The following PPP1R13B variants were observed in gnomAD, a reference collection of about 807,000 sequenced individuals.
PPP1R13B encodes the protein protein phosphatase 1 regulatory subunit 13B.
PPP1R13B carries 44 observed loss-of-function variants against 119.8 expected under a neutral mutation model. The observed-to-expected ratio is 0.37, with a 90% CI of 0.29 to 0.47. The LOEUF is 0.47. Among genes scored for constraint, PPP1R13B ranks in the 20% least tolerant of loss-of-function variants. The probability of loss-of-function intolerance (pLI) is 0.99; values close to 1 mark genes in which losing one functional copy is unlikely to be tolerated. For missense variants in PPP1R13B, 1,227 were observed against 1,413.5 expected (o/e 0.87, Z 2.12); for synonymous variants, 542 against 561.5 (o/e 0.97, Z 0.49).
At chr14:103,846,640 A>G (rs2087043174) in intron 1 of PPP1R13B, 1 of 429,116 alleles carries the variant, frequency 2.3e-6, no homozygotes, top group Admixed American at 2.6e-5. Flanking sequence ...GGTCGGTAGG[A>G]CGATGGCAAA....
At chr14:103,814,210 A>G (rs2086224662) in intron 1 of PPP1R13B, among the ~76,000 whole-genome samples, 1 of 152,102 alleles carries the variant, frequency 6.6e-6, no homozygotes, top group Admixed American at 6.6e-5. Context: ...TTAGCCGGGC[A>G]TGGTGGCACA....
rs551769356 is a variant in PPP1R13B at position 103,785,229 on chromosome 14, GTTT to G, written c.158-318_158-316del. Among the ~76,000 whole-genome samples the G allele has an allele frequency of 1.3e-4, 15 of 119,764 alleles. 1 individual carries two copies. In the South Asian group the frequency reaches 3.1e-3, roughly 24 times the overall value. The allele number at this position is 119,764 out of a possible 152,430, so 78.6% of individuals were successfully genotyped here. ...CACTGTGTCTCCCATTCATTTGTTTGTTTGGTTGAGATGGGGTTTTGCTCTTGT... is the reference window on the plus strand; with the variant it reads ...CACTGTGTCTCCCATTCATTTGTTTGGGTTGAGATGGGGTTTTGCTCTTGT... On this transcript the variant is annotated intron_variant, in intron 2 of 16. Coordinates refer to ENST00000202556, the MANE Select transcript of PPP1R13B (RefSeq NM_015316.3).
intron 1 of PPP1R13B, among the ~76,000 whole-genome samples, chr14:103,804,615 G>C (rs2085974813): frequency 6.6e-6 from 1 of 151,946 alleles, no homozygotes; most frequent in South Asian, 2.1e-4. Context: ...TGTGTCTGTA[G>C]TCCCACCTAC....
At chr14:103,767,388 G>A (rs12878868) in intron 4 of PPP1R13B, among the ~76,000 whole-genome samples, 67,236 of 151,486 alleles carry the variant, frequency 0.44, 15,334 homozygotes, top group African/African-American at 0.55. Flanking sequence ...TTTTCTGCTT[G>A]TATCACCATA....
rs182697405 is a variant in PPP1R13B at position 103,736,306 on chromosome 14, C to T, written c.3032-104G>A. On this transcript the variant is annotated intron_variant, in intron 15 of 16. Transcript: ENST00000202556. ...GTCGTGCTGCTGCCGAGGCTGCTCT[C>T]AGCAGGCCCCACAGAGGCCAGCGAG... The T allele has an allele frequency of 5.3e-3, 6,679 of 1,252,286 alleles. 28 individuals carry two copies. Among genetic ancestry groups the T allele is most frequent in the Non-Finnish European group, 6.6e-3 (5,809 of 878,940 alleles). The allele number at this position is 1,252,286 out of a possible 1,614,324, so 77.6% of individuals were successfully genotyped here. A position where few individuals can be genotyped will look rare whatever the true frequency, so the allele number is the denominator to read the frequency against.
At chr14:103,842,819 A>G (rs557475233) in intron 1 of PPP1R13B, among the ~76,000 whole-genome samples, 2 of 151,602 alleles carry the variant, frequency 1.3e-5, no homozygotes, top group East Asian at 4.0e-4. Flanking sequence ...TCTACTAAAC[A>G]TGCTAAAATT....
At chr14:103,787,985 C>T (rs2152029568) in intron 2 of PPP1R13B, among the ~76,000 whole-genome samples, 1 of 151,974 alleles carries the variant, frequency 6.6e-6, no homozygotes, top group African/African-American at 2.4e-5. Context: ...TGGTGGCACA[C>T]ATCCATAGTC....
chr14:103,847,756 CCGCGCTCCCGGCGGCGGGGGAGGGGCGGA>C (rs1464655711), upstream of PPP1R13B: 3 of 489,098 alleles, frequency 6.1e-6, no homozygotes, highest in Non-Finnish European at 8.0e-6. Flanking sequence ...GCGTGCGCGT[CCGCGCTCCCGGCGGCGGGGGAGGGGCGGA>C]CGCGCAGTGG....
intron 1 of PPP1R13B, among the ~76,000 whole-genome samples, chr14:103,828,217 A>C (rs1226256011): frequency 6.6e-6 from 1 of 151,962 alleles, no homozygotes; most frequent in Non-Finnish European, 1.5e-5. Flanking sequence ...AAATACAAAA[A>C]AATTAGCCAG....
intron 2 of PPP1R13B, among the ~76,000 whole-genome samples, chr14:103,794,061 A>AAG (rs1237864702): frequency 2.6e-5 from 4 of 152,226 alleles, no homozygotes; most frequent in African/African-American, 9.6e-5. Context: ...CTACAAGTCA[A>AAG]AGAGAGAGAG....
chr14:103,841,728 C>G (rs2086914138), intron 1 of PPP1R13B, among the ~76,000 whole-genome samples: 1 of 152,206 alleles, frequency 6.6e-6, no homozygotes, highest in Non-Finnish European at 1.5e-5. Flanking sequence ...ATTTACTGAG[C>G]TCTTACTATC....
chr14:103,742,718 A>G lies in PPP1R13B; in HGVS notation c.1256T>C (p.Val419Ala). ...DWKDPSVEGS[V>A]KQGTVSSQPV... is the part of the protein sequence containing the mutation. ...CTGGCTGGAGACAGTGCCCTGCTTG[A>G]CAGACCCCTCCACGCTCGGATCCTT... The change falls in exon 10 of 17, where the codon GTC (valine) becomes GCC (alanine). Residue 419 changes from valine (V) to alanine (A), a missense_variant. Coordinates refer to ENST00000202556, the MANE Select transcript of PPP1R13B (RefSeq NM_015316.3). This position sits in a 1 kb window ranked among gnomAD's most constrained non-coding sequence, Gnocchi z 4.9. 1 of 1,614,090 alleles carries G rather than the reference A, an allele frequency of 6.2e-7. No homozygotes were observed. The highest frequency in any genetic ancestry group is 8.5e-7 in the Non-Finnish European group (1 of 1,180,040).
Position 103,740,452 on chromosome 14 carries a change from G to A in PPP1R13B, c.1964C>T (p.Ala655Val), listed in dbSNP as rs1164653536. ...CACGGTGCTGCCATCTGCGGGGGCG[G>A]CGGGGCCATCCTGCTCAGGCTCTTT... ...TEKEPEQDGP[A>V]APADGSTVES... The change falls in exon 12 of 17, where the codon GCC (alanine) becomes GTC (valine). Residue 655 changes from alanine (A) to valine (V), a missense_variant. Transcript: ENST00000202556. The surrounding 1 kb of genome is among the most constrained non-coding windows in gnomAD (Gnocchi z 4.6). The A allele has an allele frequency of 3.7e-6, 6 of 1,607,696 alleles. No individual in the cohort carries two copies. The African/African-American group carries it at 8.0e-5, about 21-fold the overall frequency.
At chr14:103,831,591 G>A (rs1299333884) in intron 1 of PPP1R13B, among the ~76,000 whole-genome samples, 3 of 151,000 alleles carry the variant, frequency 2.0e-5, no homozygotes, top group Non-Finnish European at 4.4e-5. Flanking sequence ...GATTATAGGC[G>A]TGAGCCACCA....
Position 103,742,854 on chromosome 14 carries a change from T to C in PPP1R13B, c.1151-31A>G. 6.2e-7 allele frequency: 1 copy of C among 1,611,602 alleles called. No homozygotes were observed. Among genetic ancestry groups the C allele is most frequent in the Non-Finnish European group, 8.5e-7 (1 of 1,178,516 alleles). On this transcript the variant is annotated intron_variant, in intron 9 of 16. Coordinates refer to ENST00000202556, the MANE Select transcript of PPP1R13B (RefSeq NM_015316.3). This position sits in a 1 kb window ranked among gnomAD's most constrained non-coding sequence, Gnocchi z 4.9. ...AAAGAACACAGAACTTACGTAAAAC[T>C]TTTCTCAATGTAGTTGAACCAACCT...
In PPP1R13B at chr14:103,736,093, G is replaced by A. The variant is rs1210396944; in HGVS notation, c.3141C>T (p.Thr1047=). The A allele has an allele frequency of 6.2e-6, 10 of 1,614,220 alleles. No homozygotes were observed. The highest frequency in any genetic ancestry group is 8.5e-6 in the Non-Finnish European group (10 of 1,180,038). ...CGCTTTCGTCCTTGCGCCTCAGGAT[G>A]GTGAGGGCGTCCCCTTCGTGGAAGG... ...ELSFHEGDAL[T]ILRRKDESET... is the part of the protein sequence containing the mutation. The change falls in exon 16 of 17, where the codon ACC becomes ACT. Residue 1047 remains threonine (T), a synonymous_variant. Coordinates refer to ENST00000202556, the MANE Select transcript of PPP1R13B (RefSeq NM_015316.3).
intron 1 of PPP1R13B, among the ~76,000 whole-genome samples, chr14:103,821,772 T>A (rs921522436): frequency 2.0e-5 from 3 of 151,222 alleles, no homozygotes; most frequent in Non-Finnish European, 2.9e-5. Flanking sequence ...ATAAATAAAA[T>A]AAATAAATAA....
chr14:103,796,486 T>C (rs921392763), intron 2 of PPP1R13B, among the ~76,000 whole-genome samples: 5 of 152,158 alleles, frequency 3.3e-5, no homozygotes, highest in Non-Finnish European at 5.9e-5. Context: ...TTGATGAGAA[T>C]GTGCAGAAAT....
intron 12 of PPP1R13B, 177 bp from the exon 13 acceptor site, chr14:103,739,200 A>C (rs537157976): frequency 1.3e-6 from 1 of 742,582 alleles, no homozygotes; most frequent in South Asian, 1.8e-5. Context: ...GGCCAGGGCC[A>C]CTCTGCTCAC....
Sources: allele counts gnomAD v4.1 joint callset (sites outside exome capture counted in the v4.1 genomes callset), GRCh38; gene constraint gnomAD v4.1.1; non-coding constraint Gnocchi (gnomAD v3.1); transcripts MANE v1.5; gene names NCBI Gene and HGNC (gene_info 2026-07-23, HGNC 2026-07-21).